PTN: variants seen among roughly 807,000 people sequenced by gnomAD.
The protein encoded by PTN is heparin affin regulatory protein.
Under a neutral mutation model 24.1 loss-of-function variants are expected in PTN, and 18 were observed. The observed-to-expected ratio is 0.75, with a 90% CI of 0.52 to 1.11. The LOEUF (loss-of-function observed/expected upper bound fraction) is 1.11, where lower values mean the gene tolerates loss of function less well. PTN is among the 50% of genes least tolerant of loss of function. The pLI is 0.00. For missense variants in PTN, 163 were observed against 198.8 expected, an observed-to-expected ratio of 0.82 and a Z score of 1.08; for synonymous variants, 78 against 68.6, an observed-to-expected ratio of 1.14 and a Z score of -0.67.
chr7:137,228,081 A>T lies in PTN; in HGVS notation c.452-6T>A, dbSNP rs1261060934. 6.6e-7 allele frequency: 1 copy of T among 1,519,486 alleles called. No homozygotes were observed. Among genetic ancestry groups the T allele is most frequent in the African/African-American group, 1.4e-5 (1 of 72,486 alleles). 94.1% of individuals were successfully genotyped at this position (1,519,486 alleles called of 1,614,324 possible). A position where few individuals can be genotyped will look rare whatever the true frequency, so the allele number is the denominator to read the frequency against. On this transcript the variant is annotated splice_region_variant and splice_polypyrimidine_tract_variant and intron_variant, in intron 4 of 4. Transcript: ENST00000348225. ...TTTCTTCTTCTTAGATTCTGCTGTG[A>T]TTACAAAAAAGAGAGACAGAAAGAG...
chr7:137,231,271 T>C (rs1808422437), intron 4 of PTN, among the ~76,000 whole-genome samples: 1 of 151,972 alleles, frequency 6.6e-6, no homozygotes, highest in Non-Finnish European at 1.5e-5. Flanking sequence ...ATCTTCCTTA[T>C]GACGGTTCTT....
At position 137,259,144 on chromosome 7, in the gene PTN, A is replaced by G. The variant is rs192923296; in HGVS notation, c.-1-4170T>C. 2.4e-4 allele frequency among the ~76,000 whole-genome samples: 36 copies of G among 152,298 alleles called. No individual in the cohort carries two copies. In the East Asian group the frequency reaches 6.9e-3, roughly 29 times the overall value. ...ATCTGAAACTCAATGATTAAAAGAC[A>G]TTAAAGAAACCAACTTTAGGAGAAT... On this transcript the variant is annotated intron_variant, in intron 1 of 4. Transcript: ENST00000348225.
chr7:137,313,116 G>A (rs1810011613), intron 1 of PTN, among the ~76,000 whole-genome samples: 1 of 151,626 alleles, frequency 6.6e-6, no homozygotes, highest in Non-Finnish European at 1.5e-5. Flanking sequence ...AGCCCTCCTG[G>A]CAGCCCTCAC....
At chr7:137,331,067 C>T (rs1349038844) in intron 1 of PTN, among the ~76,000 whole-genome samples, 8 of 152,298 alleles carry the variant, frequency 5.3e-5, no homozygotes, top group Non-Finnish European at 1.0e-4. Flanking sequence ...AGCCTCAGTT[C>T]AAGTCCAATG....
intron 1 of PTN, among the ~76,000 whole-genome samples, chr7:137,291,040 C>A (rs1183222069): frequency 6.6e-6 from 1 of 151,958 alleles, no homozygotes; most frequent in East Asian, 1.9e-4. Flanking sequence ...TGTCAATAAC[C>A]AATATGGGAT....
At chr7:137,333,454 C>A (rs1307656114) in intron 1 of PTN, among the ~76,000 whole-genome samples, 1 of 152,124 alleles carries the variant, frequency 6.6e-6, no homozygotes, top group Non-Finnish European at 1.5e-5. Flanking sequence ...TTAATTAAAT[C>A]TGGACTCTGA....
intron 1 of PTN, among the ~76,000 whole-genome samples, chr7:137,283,951 G>GTTT (rs1228347789): frequency 4.3e-5 from 3 of 70,076 alleles, no homozygotes; most frequent in Non-Finnish European, 5.5e-5. Context: ...ATGAGCATCA[G>GTTT]ATTTTTTTTT....
intron 1 of PTN, among the ~76,000 whole-genome samples, chr7:137,268,363 G>A (rs1452212393): frequency 6.6e-6 from 1 of 151,812 alleles, no homozygotes; most frequent in Non-Finnish European, 1.5e-5. Context: ...GTAGCAGGAC[G>A]AGCCGCGGAC....
chr7:137,234,261 CTTG>C (rs1808481458), intron 4 of PTN, among the ~76,000 whole-genome samples: 1 of 151,842 alleles, frequency 6.6e-6, no homozygotes, highest in Non-Finnish European at 1.5e-5. Context: ...GTTCTGACCT[CTTG>C]TTATTATAAA....
chr7:137,342,889 C>T (rs995942391), intron 1 of PTN, among the ~76,000 whole-genome samples: 1 of 152,046 alleles, frequency 6.6e-6, no homozygotes, highest in Non-Finnish European at 1.5e-5. Context: ...AAGACGGGTG[C>T]CAGTAGTTCC....
chr7:137,278,942 GAACAATAATAAT>G (rs924679636), intron 1 of PTN, among the ~76,000 whole-genome samples: 5 of 60,954 alleles, frequency 8.2e-5, no homozygotes, highest in African/African-American at 2.3e-4. Context: ...CTCCATCTCA[GAACAATAATAAT>G]AATAATAATA....
chr7:137,256,868 C>A (rs1238389821), intron 1 of PTN, among the ~76,000 whole-genome samples: 1 of 152,176 alleles, frequency 6.6e-6, no homozygotes, highest in Non-Finnish European at 1.5e-5. Context: ...ATGACAGACA[C>A]TTTTCAAAAG....
At chr7:137,258,780 G>T (rs766945784) in intron 1 of PTN, among the ~76,000 whole-genome samples, 1 of 152,088 alleles carries the variant, frequency 6.6e-6, no homozygotes, top group Non-Finnish European at 1.5e-5. Context: ...TTAGCACCAA[G>T]TGAGGGCAAA....
intron 1 of PTN, among the ~76,000 whole-genome samples, chr7:137,271,318 T>C (rs1374108309): frequency 4.6e-5 from 7 of 152,246 alleles, no homozygotes; most frequent in African/African-American, 1.7e-4. Flanking sequence ...TCTTTTCCCA[T>C]GTGTTCTGAC....
chr7:137,236,503 G>T (rs1042032042), intron 4 of PTN, among the ~76,000 whole-genome samples: 1 of 152,038 alleles, frequency 6.6e-6, no homozygotes, highest in Non-Finnish European at 1.5e-5. Flanking sequence ...GACAGAGAGA[G>T]AGAAAACCAC....
intron 1 of PTN, among the ~76,000 whole-genome samples, chr7:137,309,527 A>G (rs1450162671): frequency 6.6e-6 from 1 of 152,082 alleles, no homozygotes; most frequent in Non-Finnish European, 1.5e-5. Flanking sequence ...ATAACATTTT[A>G]CCCACAGGAG....
intron 1 of PTN, among the ~76,000 whole-genome samples, chr7:137,329,439 C>T (rs1261393688): frequency 6.6e-6 from 1 of 152,052 alleles, no homozygotes; most frequent in East Asian, 1.9e-4. Context: ...CAAAACACAG[C>T]AAGGGAAGTT....
At chr7:137,326,024 C>G (rs1645063617) in intron 1 of PTN, 2 of 152,150 alleles carry the variant, frequency 1.3e-5, no homozygotes, top group Admixed American at 6.5e-5. Context: ...TTAATATGGT[C>G]TTACCACATT....
At chr7:137,330,283 C>T (rs1810330110) in intron 1 of PTN, among the ~76,000 whole-genome samples, 1 of 150,720 alleles carries the variant, frequency 6.6e-6, no homozygotes, top group South Asian at 2.1e-4. Flanking sequence ...AAGACCCTGT[C>T]TCAAAAAAAA....
Sources: allele counts gnomAD v4.1 joint callset (sites outside exome capture counted in the v4.1 genomes callset), GRCh38; gene constraint gnomAD v4.1.1; transcripts MANE v1.5; gene names NCBI Gene and HGNC (gene_info 2026-07-23, HGNC 2026-07-21).